Variants in PCDH9 observed in about 807,000 individuals in gnomAD.
PCDH9 encodes the protein protocadherin 9.
In PCDH9, 24 loss-of-function variants were observed where a neutral mutation model predicts 70.6. The observed-to-expected ratio is 0.34, with a 90% CI of 0.25 to 0.48. PCDH9 has a LOEUF of 0.48. Ranked by LOEUF, PCDH9 falls within the 20% of genes least tolerant of loss-of-function variation. The probability of loss-of-function intolerance (pLI) is 0.99; values close to 1 mark genes in which losing one functional copy is unlikely to be tolerated. For missense variants in PCDH9, 1,281 were observed against 1,503.6 expected (o/e 0.85, Z 2.45); for synonymous variants, 562 against 558.5 (o/e 1.01, Z -0.09).
intron 4 of PCDH9, among the ~76,000 whole-genome samples, chr13:66,579,697 T>C (rs940523296): frequency 1.3e-5 from 2 of 152,050 alleles, no homozygotes; most frequent in Non-Finnish European, 2.9e-5. Flanking sequence ...TTGAAGTGGC[T>C]TGATTGTCTA....
intron 2 of PCDH9, among the ~76,000 whole-genome samples, chr13:67,167,799 A>G (rs1389912412): frequency 6.6e-6 from 1 of 152,186 alleles, no homozygotes; most frequent in African/African-American, 2.4e-5. Context: ...CTGTGATCAA[A>G]CTTAAAACAG....
intron 3 of PCDH9, among the ~76,000 whole-genome samples, chr13:66,889,465 C>T (rs1035355863): frequency 6.6e-6 from 1 of 152,144 alleles, no homozygotes; most frequent in African/African-American, 2.4e-5. Flanking sequence ...TGATTGCTTC[C>T]ATGATTCTTA....
intron 4 of PCDH9, among the ~76,000 whole-genome samples, chr13:66,463,467 G>GA (rs1268117723): frequency 1.3e-5 from 2 of 151,440 alleles, no homozygotes; most frequent in African/African-American, 2.4e-5. Flanking sequence ...AAGAGAGAGA[G>GA]AAAAAAAAGA....
chr13:67,106,710 G>C (rs1351697088), intron 2 of PCDH9, among the ~76,000 whole-genome samples: 2 of 152,184 alleles, frequency 1.3e-5, no homozygotes, highest in African/African-American at 4.8e-5. Flanking sequence ...TGCGGATTGG[G>C]CATCCCTGTG....
intron 4 of PCDH9, among the ~76,000 whole-genome samples, chr13:66,357,731 G>A (rs114150518): frequency 6.6e-6 from 1 of 151,976 alleles, no homozygotes; most frequent in African/African-American, 2.4e-5. Flanking sequence ...TTCTTTGATT[G>A]CCAAGGATAT....
chr13:67,142,957 C>G (rs975229138), intron 2 of PCDH9, among the ~76,000 whole-genome samples: 1 of 151,350 alleles, frequency 6.6e-6, no homozygotes, highest in Admixed American at 6.6e-5. Context: ...TGCAGTGAGC[C>G]GAGATTGCAC....
At chr13:67,128,781 T>C (rs1017069265) in intron 2 of PCDH9, among the ~76,000 whole-genome samples, 2 of 152,298 alleles carry the variant, frequency 1.3e-5, no homozygotes, top group Middle Eastern at 3.4e-3. Flanking sequence ...GCTTCCACCG[T>C]TGTGTTCCAA....
chr13:66,777,364 T>A (rs2079913874), intron 3 of PCDH9, among the ~76,000 whole-genome samples: 1 of 149,092 alleles, frequency 6.7e-6, no homozygotes, highest in Non-Finnish European at 1.5e-5. Flanking sequence ...TGGGAGAAAA[T>A]TTTCACAACC....
chr13:66,660,312 T>TA (rs1308056704), intron 3 of PCDH9, among the ~76,000 whole-genome samples: 3 of 152,150 alleles, frequency 2.0e-5, no homozygotes, highest in Non-Finnish European at 4.4e-5. Context: ...CCTTTTTTTT[T>TA]ACTGTGAGTT....
intron 2 of PCDH9, among the ~76,000 whole-genome samples, chr13:66,941,458 A>C (rs9805506): frequency 0.099 from 15,098 of 151,814 alleles, 984 homozygotes; most frequent in Admixed American, 0.17. Flanking sequence ...AAAGGCAGAG[A>C]CATCCATAAT....
intron 4 of PCDH9, among the ~76,000 whole-genome samples, chr13:66,617,923 T>C (rs979522537): frequency 3.3e-5 from 5 of 152,142 alleles, no homozygotes; most frequent in Non-Finnish European, 5.9e-5. Context: ...TGCAGTTAGA[T>C]GTACTTCTTT....
intron 2 of PCDH9, among the ~76,000 whole-genome samples, chr13:66,944,843 G>GTGTGTGTGTGTGTGTC (rs1555289284): frequency 8.6e-5 from 13 of 150,432 alleles, no homozygotes; most frequent in African/African-American, 3.0e-4. Context: ...GTGTGTGTGT[G>GTGTGTGTGTGTGTGTC]TGTGTGTGTG....
chr13:66,725,113 T>C (rs958000690), intron 3 of PCDH9, among the ~76,000 whole-genome samples: 1 of 152,134 alleles, frequency 6.6e-6, no homozygotes, highest in African/African-American at 2.4e-5. Flanking sequence ...CCCTAAATGC[T>C]CCATCACTCT....
chr13:67,162,079 T>C (rs1478726358), intron 2 of PCDH9, among the ~76,000 whole-genome samples: 3 of 152,188 alleles, frequency 2.0e-5, no homozygotes, highest in African/African-American at 7.2e-5. Flanking sequence ...GGGAAGCAAT[T>C]AAAAAGCCAA....
At chr13:67,211,628 A>G (rs763456224) in intron 2 of PCDH9, 3 of 152,098 alleles carry the variant, frequency 2.0e-5, no homozygotes, top group South Asian at 2.1e-4. Flanking sequence ...TCGATGATGA[A>G]AGAAAACTAA....
At chr13:66,744,975 A>G (rs2139211009) in intron 3 of PCDH9, among the ~76,000 whole-genome samples, 1 of 152,304 alleles carries the variant, frequency 6.6e-6, no homozygotes, top group South Asian at 2.1e-4. Context: ...CCTATATGAA[A>G]TGAGCACGTA....
At chr13:66,825,014 A>G (rs1338423083) in intron 3 of PCDH9, among the ~76,000 whole-genome samples, 1 of 151,800 alleles carries the variant, frequency 6.6e-6, no homozygotes, top group Non-Finnish European at 1.5e-5. Context: ...CAAGAATAAA[A>G]TATTTCGAAA....
In PCDH9 at chr13:66,974,750, A is replaced by T. The variant is rs546893531; in HGVS notation, c.3037-71145T>A. ...TAGAAACAAATCCCATTCATAAATG[A>T]CAAGTTGCACATATACAGAATTTCA... On this transcript the variant is annotated intron_variant, in intron 2 of 4. Coordinates refer to ENST00000377865, the MANE Select transcript of PCDH9 (RefSeq NM_203487.3). 2.0e-5 allele frequency among the ~76,000 whole-genome samples: 3 copies of T among 152,184 alleles called. No homozygotes were observed. The South Asian group carries it at 6.2e-4, about 32-fold the overall frequency.
rs563523378 is a variant in PCDH9, at chr13:67,183,857, A to T, written c.3036+41548T>A. Among the ~76,000 whole-genome samples the T allele has an allele frequency of 1.1e-4, 16 of 152,330 alleles. No homozygotes were observed. The East Asian group carries it at 2.9e-3, about 28-fold the overall frequency. On this transcript the variant is annotated intron_variant, in intron 2 of 4. Coordinates refer to ENST00000377865, the MANE Select transcript of PCDH9 (RefSeq NM_203487.3). ...ACCTAGAAAAATTCAAGGAACAAGA[A>T]TTTAAAAAGAAAAAAAATATTATGT...
Sources: allele counts gnomAD v4.1 joint callset (sites outside exome capture counted in the v4.1 genomes callset), GRCh38; gene constraint gnomAD v4.1.1; transcripts MANE v1.5; gene names NCBI Gene and HGNC (gene_info 2026-07-23, HGNC 2026-07-21).